Variants in ATP13A5 observed in about 807,000 individuals in gnomAD.
The protein encoded by ATP13A5 is ATPase 13A5, also known as probable cation-transporting ATPase 13A5.
Under a neutral mutation model 150.2 loss-of-function variants are expected in ATP13A5, and 149 were observed. That is an observed-to-expected ratio of 0.99 (90% confidence interval 0.87 to 1.14). ATP13A5 has a LOEUF of 1.14. Among genes scored for constraint, ATP13A5 ranks in the 50% most tolerant of loss-of-function variants. The pLI is 0.00. For missense variants in ATP13A5, 1,383 were observed against 1,449.3 expected (o/e 0.95, Z 0.74); for synonymous variants, 497 against 522.2 (o/e 0.95, Z 0.66).
chr3:193,315,205 C>A, intron 17 of ATP13A5, 109 bp from the exon 18 acceptor site: 10 of 1,073,568 alleles, frequency 9.3e-6, no homozygotes, highest in East Asian at 2.7e-5. Flanking sequence ...AATACAGGCA[C>A]ATTTTAAAAA....
intron 25 of ATP13A5, among the ~76,000 whole-genome samples, chr3:193,291,429 C>T (rs1185875818): frequency 6.6e-6 from 1 of 152,032 alleles, no homozygotes; most frequent in Non-Finnish European, 1.5e-5. Flanking sequence ...GAAATGCCCT[C>T]AGTGATAGGA....
intron 9 of ATP13A5, among the ~76,000 whole-genome samples, chr3:193,341,465 G>A (rs1355560709): frequency 6.6e-6 from 1 of 152,156 alleles, no homozygotes; most frequent in Non-Finnish European, 1.5e-5. Context: ...GATGTGGTGT[G>A]TCCCTGAGAG....
intron 28 of ATP13A5, 35 bp downstream of exon 28, chr3:193,279,331 G>A: frequency 1.4e-6 from 2 of 1,471,938 alleles, no homozygotes; most frequent in Non-Finnish European, 9.5e-7. Flanking sequence ...CCATGTACAT[G>A]AGTCATGCCA....
intron 1 of ATP13A5, among the ~76,000 whole-genome samples, chr3:193,368,406 G>GTGTGTGTGTC (rs1553823613): frequency 2.0e-5 from 3 of 151,802 alleles, no homozygotes; most frequent in African/African-American, 4.8e-5. Context: ...GTGTGTGTGT[G>GTGTGTGTGTC]TGTGTGTGTG....
At chr3:193,362,261 A>T in intron 5 of ATP13A5, 120 bp downstream of exon 5, 1 of 883,232 alleles carries the variant, frequency 1.1e-6, no homozygotes, top group Non-Finnish European at 1.8e-6. Flanking sequence ...CTGCCAGTAA[A>T]TGAACTTGGA....
intron 1 of ATP13A5, among the ~76,000 whole-genome samples, chr3:193,372,715 T>C (rs1165908949): frequency 6.6e-6 from 1 of 152,258 alleles, no homozygotes; most frequent in Non-Finnish European, 1.5e-5. Context: ...TACTTTTTCA[T>C]GTACAACTAC....
intron 26 of ATP13A5, among the ~76,000 whole-genome samples, chr3:193,286,802 G>C (rs1170640789): frequency 6.6e-6 from 1 of 152,100 alleles, no homozygotes; most frequent in African/African-American, 2.4e-5. Context: ...AACTAGAAAT[G>C]GGTAAGCTTA....
At chr3:193,362,813 C>CTTTTTCTTTCTTTG (rs59105884) in intron 3 of ATP13A5, among the ~76,000 whole-genome samples, 176 bp from the exon 4 acceptor site, 10 of 112,068 alleles carry the variant, frequency 8.9e-5, no homozygotes, top group African/African-American at 3.2e-4. Context: ...TTCTTTCTTT[C>CTTTTTCTTTCTTTG]AGACAGGGTC....
intron 17 of ATP13A5, among the ~76,000 whole-genome samples, 156 bp downstream of exon 17, chr3:193,318,835 C>T (rs949296227): frequency 6.6e-6 from 1 of 152,190 alleles, no homozygotes; most frequent in African/African-American, 2.4e-5. Context: ...CCAGTATCAC[C>T]TACAATTATC....
At chr3:193,313,074 A>ACAGCATGCAGTGAAATTCAGG (rs1472468380) in intron 19 of ATP13A5, 8 of 152,242 alleles carry the variant, frequency 5.3e-5, no homozygotes, top group Non-Finnish European at 1.0e-4. Flanking sequence ...GACCTGGGTT[A>ACAGCATGCAGTGAAATTCAGG]CAGCATGCAG....
chr3:193,333,219 C>T (rs539314893), intron 11 of ATP13A5, among the ~76,000 whole-genome samples: 2 of 151,720 alleles, frequency 1.3e-5, no homozygotes, highest in South Asian at 4.2e-4. Flanking sequence ...CCAATTTGGA[C>T]ATTGTAATTA....
At chr3:193,331,903 C>G (rs1711642117) in intron 11 of ATP13A5, among the ~76,000 whole-genome samples, 1 of 152,100 alleles carries the variant, frequency 6.6e-6, no homozygotes, top group Non-Finnish European at 1.5e-5. Context: ...ATAATTTTCC[C>G]AAGGCCACAT....
intron 1 of ATP13A5, among the ~76,000 whole-genome samples, chr3:193,377,201 G>C (rs1481026147): frequency 6.6e-6 from 1 of 152,202 alleles, no homozygotes; most frequent in Non-Finnish European, 1.5e-5. Flanking sequence ...AAACATCAGA[G>C]CTAACAGAAT....
rs1445404472 is a variant in ATP13A5, at chr3:193,317,816, C to T, written c.2033+1175G>A. ...TTTGTTATATTTATAATGTCTATCC[C>T]ACTAGTGGCTCTTACATGAGAACAA... On this transcript the variant is annotated intron_variant, in intron 17 of 29. Coordinates refer to ENST00000342358, the MANE Select transcript of ATP13A5 (RefSeq NM_198505.4). Among the ~76,000 whole-genome samples the T allele has an allele frequency of 2.0e-5, 3 of 152,238 alleles. No individual in the cohort carries two copies. The South Asian group carries it at 6.2e-4, about 32-fold the overall frequency.
chr3:193,275,266 T>A lies in ATP13A5; in HGVS notation c.3433A>T (p.Ile1145Phe), dbSNP rs547378846. Reference protein sequence around the residue: ...ILQNHELWLLIKREFGFYSKS... With the variant: ...ILQNHELWLLFKREFGFYSKS... The stretch of plus-strand genomic sequence containing the variant: ...GAGTAGAATCCAAATTCTCTTTTGA[T>A]CAACAGCCAGAGTTCATGATTTTGA... Residue 1145 changes from isoleucine (I) to phenylalanine (F), a missense_variant, in exon 30 of 30, where the codon ATC (isoleucine) becomes TTC (phenylalanine). Physicochemically the swap from Ile to Phe is conservative, Grantham distance 21. Transcript: ENST00000342358. 6.2e-7 allele frequency: 1 copy of A among 1,613,958 alleles called. No individual in the cohort carries two copies. Among genetic ancestry groups the A allele is most frequent in the Admixed American group, 1.7e-5 (1 of 60,012 alleles).
intron 12 of ATP13A5, among the ~76,000 whole-genome samples, chr3:193,330,834 G>C (rs1711601178): frequency 6.6e-6 from 1 of 152,182 alleles, no homozygotes; most frequent in African/African-American, 2.4e-5. Flanking sequence ...GTCAGTCTAA[G>C]AAGTTACATA....
chr3:193,316,616 G>A (rs558268150), intron 17 of ATP13A5, among the ~76,000 whole-genome samples: 4 of 152,172 alleles, frequency 2.6e-5, no homozygotes, highest in South Asian at 2.1e-4. Context: ...TCATTTGTAC[G>A]TCTTTGGAGA....
At chr3:193,291,916 CATAAGT>C (rs1389767192) in intron 25 of ATP13A5, among the ~76,000 whole-genome samples, 1 of 152,080 alleles carries the variant, frequency 6.6e-6, no homozygotes, top group African/African-American at 2.4e-5. Context: ...AAACTGCAAT[CATAAGT>C]ATAACACTTT....
At chr3:193,354,473 C>T (rs1712698774) in intron 5 of ATP13A5, among the ~76,000 whole-genome samples, 1 of 151,960 alleles carries the variant, frequency 6.6e-6, no homozygotes, top group Non-Finnish European at 1.5e-5. Context: ...TTTTGAGTTA[C>T]TTTTAAAATA....
Sources: gnomAD v4.1 joint callset for allele counts (sites outside exome capture counted in the v4.1 genomes callset) on GRCh38, gnomAD v4.1.1 for gene constraint, MANE v1.5 for transcripts, NCBI Gene and HGNC (gene_info 2026-07-23, HGNC 2026-07-21) for gene names.